HEYL: variants seen among roughly 807,000 people sequenced by gnomAD.
The protein encoded by HEYL is hairy/enhancer-of-split related with YRPW motif-like protein.
A neutral mutation model predicts 18.6 loss-of-function variants in HEYL; 12 were observed. The observed-to-expected ratio is 0.65, with a 90% CI of 0.41 to 1.05. HEYL has a LOEUF of 1.05. Among genes scored for constraint, HEYL ranks in the 50% least tolerant of loss-of-function variants. The probability of loss-of-function intolerance (pLI) is 0.00; values close to 1 mark genes in which losing one functional copy is unlikely to be tolerated. For missense variants in HEYL, 420 were observed against 444.7 expected, an observed-to-expected ratio of 0.94 and a Z score of 0.50; for synonymous variants, 159 against 179.6, an observed-to-expected ratio of 0.89 and a Z score of 0.91.
At chr1:39,627,513 A>T (rs1646307747) in intron 4 of HEYL, among the ~76,000 whole-genome samples, 1 of 152,272 alleles carries the variant, frequency 6.6e-6, no homozygotes, top group African/African-American at 2.4e-5. Context: ...TACTTGACAG[A>T]TATGAAAGGT....
Position 39,632,766 on chromosome 1 carries a change from C to T in HEYL, c.81-51G>A, listed in dbSNP as rs186146983. 3.1e-6 allele frequency: 5 copies of T among 1,605,616 alleles called. No homozygotes were observed. In the African/African-American group the frequency reaches 5.3e-5, roughly 17 times the overall value. Reference sequence around the variant, plus strand: ...TTTCAGGGCTGGGGGACAGTCTCCCCGGCCTGGGCCGACCTCGGGCCAGGA... The same window carrying T: ...TTTCAGGGCTGGGGGACAGTCTCCCTGGCCTGGGCCGACCTCGGGCCAGGA... On this transcript the variant is annotated intron_variant, in intron 1 of 4. Coordinates refer to ENST00000372852, the MANE Select transcript of HEYL (RefSeq NM_014571.4).
In HEYL at chr1:39,630,239, T is replaced by C; in HGVS notation, c.301A>G (p.Thr101Ala). The C allele has an allele frequency of 6.2e-7, 1 of 1,614,000 alleles. No individual in the cohort carries two copies. Among genetic ancestry groups the C allele is most frequent in the Non-Finnish European group, 8.5e-7 (1 of 1,179,866 alleles). Reference sequence around the variant, plus strand: ...AGAGCATGGGTACCTGTCCCACCAGTGGCATGGAGCATTTTCAAGTGATCC... The same window carrying C: ...AGAGCATGGGTACCTGTCCCACCAGCGGCATGGAGCATTTTCAAGTGATCC... ...TVDHLKMLHATGGTGFFDARA... is the reference protein window; with the variant it reads ...TVDHLKMLHAAGGTGFFDARA... The change falls in exon 4 of 5, where the codon ACT becomes GCT. Residue 101 changes from threonine to alanine, a missense_variant. Thr to Ala is a moderately conservative substitution (Grantham distance 58). Coordinates refer to ENST00000372852, the MANE Select transcript of HEYL (RefSeq NM_014571.4).
At position 39,626,414 on chromosome 1, in the gene HEYL, C is replaced by G; in HGVS notation, c.*93G>C. The G allele has an allele frequency of 8.4e-7, 1 of 1,195,650 alleles. No homozygotes were observed. The highest frequency in any genetic ancestry group is 1.1e-6 in the Non-Finnish European group (1 of 874,226). The allele number at this position is 1,195,650 out of a possible 1,614,324, so 74.1% of individuals were successfully genotyped here. On this transcript the variant is annotated 3_prime_UTR_variant, in exon 5 of 5. Coordinates refer to ENST00000372852, the MANE Select transcript of HEYL (RefSeq NM_014571.4). ...AACGTGCCTTCACATATGAGCCAGT[C>G]CATGAAGCAAAGCAGAAAAGGCAGT...
chr1:39,635,840 C>T (rs752595728), intron 1 of HEYL, among the ~76,000 whole-genome samples: 6 of 152,216 alleles, frequency 3.9e-5, no homozygotes, highest in Non-Finnish European at 8.8e-5. Flanking sequence ...CCCTTCCAGC[C>T]CGCGATCTGG....
Position 39,623,932 on chromosome 1 carries a change from AAG to A in HEYL, c.*2573_*2574del, listed in dbSNP as rs1259771858. On this transcript the variant is annotated 3_prime_UTR_variant, in exon 5 of 5. Coordinates refer to ENST00000372852, the MANE Select transcript of HEYL (RefSeq NM_014571.4). ...AAGAAGACCTTTAGAACAATAGGGT[AAG>A]AGAGTGAGGTTTTCAAACTAAAGAT... Among the ~76,000 whole-genome samples, 1 of 152,230 alleles carries A rather than the reference AAG, an allele frequency of 6.6e-6. No homozygotes were observed. The highest frequency in any genetic ancestry group is 1.5e-5 in the Non-Finnish European group (1 of 68,044).
At chr1:39,634,296 T>C (rs1646351463) in intron 1 of HEYL, among the ~76,000 whole-genome samples, 1 of 152,182 alleles carries the variant, frequency 6.6e-6, no homozygotes, top group African/African-American at 2.4e-5. Flanking sequence ...GGTTTCACCA[T>C]GTTGGCCAGG....
Position 39,626,207 on chromosome 1 carries a change from G to A in HEYL, c.*300C>T, listed in dbSNP as rs996263985. 3.1e-6 allele frequency: 1 copy of A among 318,052 alleles called. No homozygotes were observed. Among genetic ancestry groups the A allele is most frequent in the Non-Finnish European group, 5.7e-6 (1 of 174,036 alleles). The allele number at this position is 318,052 out of a possible 1,614,324, so 19.7% of individuals were successfully genotyped here. A position where few individuals can be genotyped will look rare whatever the true frequency, so the allele number is the denominator to read the frequency against. On this transcript the variant is annotated 3_prime_UTR_variant, in exon 5 of 5. Coordinates refer to ENST00000372852, the MANE Select transcript of HEYL (RefSeq NM_014571.4). ...GGTTCATGCCTGCTGCTGGTGTGCA[G>A]AGGGCAGGAGAGGGGTCTGGGCGGA...
Position 39,631,561 on chromosome 1 carries a change from G to C in HEYL, c.166C>G (p.Arg56Gly). 1 of 1,614,144 alleles carries C rather than the reference G, an allele frequency of 6.2e-7. No homozygotes were observed. The highest frequency in any genetic ancestry group is 8.5e-7 in the Non-Finnish European group (1 of 1,179,960). The change falls in exon 3 of 5, where the codon CGA becomes GGA. Residue 56 changes from arginine to glycine, a missense_variant. Arg to Gly is a moderately radical substitution (Grantham distance 125, BLOSUM62 -2). Transcript: ENST00000372852. ...KHRGIIEKRR[R>G]DRINSSLSEL... ...GAAAGGCTACTGTTGATGCGGTCTC[G>C]ACGCCGTTTCTCTATGATCTAAACA...
Position 39,623,782 on chromosome 1 carries a change from G to A in HEYL, c.*2725C>T, listed in dbSNP as rs1646280367. ...ATTCTTGGCAAAGGGAACAGCATAT[G>A]CAAAGTGCTGGAGGTGGGAACAAGG... On this transcript the variant is annotated 3_prime_UTR_variant, in exon 5 of 5. Coordinates refer to ENST00000372852, the MANE Select transcript of HEYL (RefSeq NM_014571.4). 6.6e-6 allele frequency among the ~76,000 whole-genome samples: 1 copy of A among 152,208 alleles called. No homozygotes were observed. Among genetic ancestry groups the A allele is most frequent in the South Asian group, 2.1e-4 (1 of 4,832 alleles).
chr1:39,636,904 G>C (rs1185165821), intron 1 of HEYL, among the ~76,000 whole-genome samples: 1 of 152,228 alleles, frequency 6.6e-6, no homozygotes, highest in East Asian at 1.9e-4. Context: ...ACGTTTATTG[G>C]AAGTTACTTT....
In HEYL at chr1:39,626,468, C is replaced by A. The variant is rs904529912; in HGVS notation, c.*39G>T. The A allele has an allele frequency of 4.1e-6, 6 of 1,448,644 alleles. No individual in the cohort carries two copies. The highest frequency in any genetic ancestry group is 4.6e-6 in the Non-Finnish European group (5 of 1,098,128). 89.7% of individuals were successfully genotyped at this position (1,448,644 alleles called of 1,614,324 possible). On this transcript the variant is annotated 3_prime_UTR_variant, in exon 5 of 5. Coordinates refer to ENST00000372852, the MANE Select transcript of HEYL (RefSeq NM_014571.4). ...CTTTTTTGGGCTCCTGGTAAAAGAA[C>A]CTTCCTTATTCCTTGGGGCGGGGTG...
intron 4 of HEYL, among the ~76,000 whole-genome samples, chr1:39,629,413 C>T (rs183581412): frequency 1.8e-4 from 27 of 152,300 alleles, no homozygotes; most frequent in Admixed American, 1.6e-3. Context: ...AACTCCTAAA[C>T]TTCAATCTAG....
Position 39,625,712 on chromosome 1 carries a change from T to C in HEYL, c.*795A>G, listed in dbSNP as rs568805127. ...GGGCTCTCCATTGCTCAACCCTGGC[T>C]CCTGTCTGGGAGAGCTGTCCAAGGC... On this transcript the variant is annotated 3_prime_UTR_variant, in exon 5 of 5. Coordinates refer to ENST00000372852, the MANE Select transcript of HEYL (RefSeq NM_014571.4). The C allele has an allele frequency of 1.6e-4, 25 of 152,632 alleles. No individual in the cohort carries two copies. The highest frequency in any genetic ancestry group is 5.8e-4 in the African/African-American group (24 of 41,586). 9.5% of individuals were successfully genotyped at this position (152,632 alleles called of 1,614,324 possible).
chr1:39,639,415 G>A (rs1646375830), intron 1 of HEYL, 131 bp downstream of exon 1: 1 of 636,008 alleles, frequency 1.6e-6, no homozygotes, highest in Non-Finnish European at 2.5e-6. Flanking sequence ...GCCGACACCT[G>A]TGGCCCCCGC....
intron 1 of HEYL, among the ~76,000 whole-genome samples, chr1:39,636,323 G>A (rs1456707674): frequency 2.6e-5 from 4 of 151,490 alleles, no homozygotes; most frequent in Non-Finnish European, 5.9e-5. Flanking sequence ...CTGGAGTGCA[G>A]TGGCACAATC....
intron 1 of HEYL, among the ~76,000 whole-genome samples, chr1:39,634,592 G>A (rs1265364651): frequency 6.6e-6 from 1 of 152,068 alleles, no homozygotes; most frequent in Non-Finnish European, 1.5e-5. Flanking sequence ...CAGTCCCTTT[G>A]CCCCATAACT....
At chr1:39,630,868 T>C (rs1463829007) in intron 3 of HEYL, among the ~76,000 whole-genome samples, 1 of 152,236 alleles carries the variant, frequency 6.6e-6, no homozygotes, top group East Asian at 1.9e-4. Flanking sequence ...TGGGAGTCCC[T>C]TGAGGGCAGA....
rs1391058953 is a variant in HEYL, at chr1:39,626,739, T to G, written c.755A>C (p.Glu252Ala). Residue 252 changes from glutamate (E) to alanine (A), a missense_variant, in exon 5 of 5, where the codon GAG becomes GCG. Transcript: ENST00000372852. ...ASSTRRARPL[E>A]RPATPVPVAP... Reference sequence around the variant, plus strand: ...GACAGGCACAGGGGTCGCTGGCCTCTCTAGGGGGCGGGCCCTCCGGGTGGA... The same window carrying G: ...GACAGGCACAGGGGTCGCTGGCCTCGCTAGGGGGCGGGCCCTCCGGGTGGA... 1 of 1,519,794 alleles carries G rather than the reference T, an allele frequency of 6.6e-7. No individual in the cohort carries two copies. Among genetic ancestry groups the G allele is most frequent in the Non-Finnish European group, 8.9e-7 (1 of 1,129,530 alleles). The allele number at this position is 1,519,794 out of a possible 1,614,324, so 94.1% of individuals were successfully genotyped here. A position where few individuals can be genotyped will look rare whatever the true frequency, so the allele number is the denominator to read the frequency against.
intron 1 of HEYL, among the ~76,000 whole-genome samples, chr1:39,634,301 G>A (rs1646351478): frequency 6.6e-6 from 1 of 152,104 alleles, no homozygotes; most frequent in Non-Finnish European, 1.5e-5. Flanking sequence ...CACCATGTTG[G>A]CCAGGATGGT....
Sources: allele counts gnomAD v4.1 joint callset (sites outside exome capture counted in the v4.1 genomes callset), GRCh38; gene constraint gnomAD v4.1.1; transcripts MANE v1.5; gene names NCBI Gene and HGNC (gene_info 2026-07-23, HGNC 2026-07-21).